CACNA1C: variants seen among roughly 807,000 people sequenced by gnomAD.
CACNA1C encodes the protein calcium voltage-gated channel subunit alpha1 C.
A neutral mutation model predicts 229.0 loss-of-function variants in CACNA1C; 30 were observed. The ratio of observed to expected loss-of-function variants is 0.13; its 90% CI spans 0.10 to 0.18. The LOEUF (loss-of-function observed/expected upper bound fraction) is 0.18, where lower values mean the gene tolerates loss of function less well. CACNA1C is among the 10% of genes least tolerant of loss of function. CACNA1C has a pLI of 1.00. For synonymous variants in CACNA1C, 1,114 were observed against 1,132.5 expected, an observed-to-expected ratio of 0.98 and a Z score of 0.33; for missense variants, 1,658 against 2,845.0, an observed-to-expected ratio of 0.58 and a Z score of 9.49.
chr12:2,347,964 T>G (rs2097094961), intron 3 of CACNA1C, among the ~76,000 whole-genome samples: 1 of 152,234 alleles, frequency 6.6e-6, no homozygotes, highest in African/African-American at 2.4e-5. Context: ...GATTATGCCC[T>G]GGGGCCATTC....
In CACNA1C at chr12:2,242,351, C is replaced by T. The variant is rs571341249; in HGVS notation, c.477+121921C>T. ...AAGGATAATGAAAACTAGCTACTGA[C>T]ACTTGGCCTCCGTGCTGGAGGAACA... On this transcript the variant is annotated intron_variant, in intron 3 of 46. Coordinates refer to ENST00000399655, the MANE Select transcript of CACNA1C (RefSeq NM_000719.7). Among the ~76,000 whole-genome samples, 18 of 152,286 alleles carry T rather than the reference C, an allele frequency of 1.2e-4. 1 individual carries two copies. In the East Asian group the frequency reaches 3.3e-3, roughly 28 times the overall value.
At chr12:1,975,686 T>C (rs935828565) in intron 1 of CACNA1C, among the ~76,000 whole-genome samples, 3 of 152,190 alleles carry the variant, frequency 2.0e-5, no homozygotes, top group African/African-American at 7.2e-5. Flanking sequence ...CTATGTTTTC[T>C]TGGTCAAGCT....
intron 1 of CACNA1C, among the ~76,000 whole-genome samples, chr12:2,058,728 G>C (rs1318966235): frequency 5.9e-5 from 9 of 152,206 alleles, no homozygotes; most frequent in Admixed American, 5.9e-4. Context: ...AGGATCCCTC[G>C]GGGAAAATGG....
rs938042837 is a variant in CACNA1C, at chr12:2,248,954, G to A, written c.477+128524G>A. Among the ~76,000 whole-genome samples, 42 of 152,276 alleles carry A rather than the reference G, an allele frequency of 2.8e-4. 1 individual carries two copies. Among genetic ancestry groups the A allele is most frequent in the Admixed American group, 4.6e-4 (7 of 15,304 alleles). On this transcript the variant is annotated intron_variant, in intron 3 of 46. Coordinates refer to ENST00000399655, the MANE Select transcript of CACNA1C (RefSeq NM_000719.7). ...TTGCATCTGGGAAGCACCTGGCACCGTGCCTGGCGTAAAATAGGCCCTCAG... is the reference window on the plus strand; with the variant it reads ...TTGCATCTGGGAAGCACCTGGCACCATGCCTGGCGTAAAATAGGCCCTCAG...
chr12:2,393,720 G>A lies in CACNA1C; in HGVS notation c.478-55256G>A, dbSNP rs1276641964. ...TGGTTTAAATCCTTGGCAGGTACTCGTTTTCTTACTAAGAAGGTTATAAGA... is the reference window on the plus strand; with the variant it reads ...TGGTTTAAATCCTTGGCAGGTACTCATTTTCTTACTAAGAAGGTTATAAGA... On this transcript the variant is annotated intron_variant, in intron 3 of 46. Transcript: ENST00000399655. 7.2e-5 allele frequency among the ~76,000 whole-genome samples: 11 copies of A among 152,176 alleles called. 1 individual carries two copies. The highest frequency in any genetic ancestry group is 2.4e-5 in the African/African-American group (1 of 41,440).
At chr12:2,024,523 G>A (rs1448920361) in intron 1 of CACNA1C, among the ~76,000 whole-genome samples, 1 of 152,140 alleles carries the variant, frequency 6.6e-6, no homozygotes, top group African/African-American at 2.4e-5. Context: ...TTCCCACTGT[G>A]TTCACAGTCC....
intron 1 of CACNA1C, among the ~76,000 whole-genome samples, chr12:2,076,328 C>G (rs1454271358): frequency 4.6e-5 from 7 of 152,198 alleles, no homozygotes; most frequent in African/African-American, 1.7e-4. Flanking sequence ...GTTTTCACTT[C>G]TGGATATTAC....
chr12:2,601,339 G>T lies in CACNA1C; in HGVS notation c.2854-515G>T, dbSNP rs900680123. 1.3e-5 allele frequency among the ~76,000 whole-genome samples: 2 copies of T among 152,202 alleles called. No individual in the cohort carries two copies. The highest frequency in any genetic ancestry group is 2.4e-5 in the African/African-American group (1 of 41,460). On this transcript the variant is annotated intron_variant, in intron 21 of 46. Transcript: ENST00000399655. This position sits in a 1 kb window ranked among gnomAD's most constrained non-coding sequence, Gnocchi z 5.9. ...GGGATGCAGGATTTCTGATGATAAA[G>T]CAAATCTGGGCAAACCAGGATGGCT...
chr12:2,222,353 C>G (rs1196733884), intron 3 of CACNA1C: 1 of 152,068 alleles, frequency 6.6e-6, no homozygotes, highest in Non-Finnish European at 1.5e-5. Flanking sequence ...GGAGTCCCAG[C>G]TCAGCCATTC....
chr12:2,114,265 G>A (rs1239114822), intron 1 of CACNA1C, among the ~76,000 whole-genome samples: 3 of 152,214 alleles, frequency 2.0e-5, no homozygotes, highest in African/African-American at 7.2e-5. Context: ...TCTCTGTTGA[G>A]GCTAGTCTGG....
intron 1 of CACNA1C, among the ~76,000 whole-genome samples, chr12:2,063,116 A>G (rs1189835716): frequency 6.7e-6 from 1 of 149,980 alleles, no homozygotes; most frequent in African/African-American, 2.5e-5. Context: ...TTTTGTCTCT[A>G]TGGATTTTCA....
intron 21 of CACNA1C, among the ~76,000 whole-genome samples, chr12:2,599,083 T>C (rs2070408007): frequency 6.6e-6 from 1 of 152,198 alleles, no homozygotes; most frequent in Non-Finnish European, 1.5e-5. Context: ...CAATTCTCAG[T>C]GCCCTTCTAC....
intron 3 of CACNA1C, among the ~76,000 whole-genome samples, chr12:2,233,742 C>G (rs897704882): frequency 1.3e-5 from 2 of 152,308 alleles, no homozygotes; most frequent in Admixed American, 1.3e-4. Flanking sequence ...GTCTTAGCTG[C>G]TCCCTCTAAC....
intron 3 of CACNA1C, among the ~76,000 whole-genome samples, chr12:2,322,631 T>G (rs1424425683): frequency 6.6e-6 from 1 of 152,184 alleles, no homozygotes. Flanking sequence ...CAAAGTCAGG[T>G]GTTCCTCCCC....
Position 2,152,077 on chromosome 12 carries a change from G to T in CACNA1C, c.477+31647G>T, listed in dbSNP as rs2095306897. Among the ~76,000 whole-genome samples, 1 of 152,190 alleles carries T rather than the reference G, an allele frequency of 6.6e-6. No homozygotes were observed. The highest frequency in any genetic ancestry group is 2.4e-5 in the African/African-American group (1 of 41,444). On this transcript the variant is annotated intron_variant, in intron 3 of 46. Transcript: ENST00000399655. This position sits in a 1 kb window ranked among gnomAD's most constrained non-coding sequence, Gnocchi z 4.2. Reference sequence around the variant, plus strand: ...AGTCTCATTGCTATTTGTGGTAATGGTCATTTAGTTTCAGGAAAACATCGA... The same window carrying T: ...AGTCTCATTGCTATTTGTGGTAATGTTCATTTAGTTTCAGGAAAACATCGA...
rs113952596 is a variant in CACNA1C at position 2,124,876 on chromosome 12, G to A, written c.477+4446G>A. On this transcript the variant is annotated intron_variant, in intron 3 of 46. Coordinates refer to ENST00000399655, the MANE Select transcript of CACNA1C (RefSeq NM_000719.7). ...TGTCAAGTGGAGGAGCCCGTGGAGC[G>A]TGAGGCTGGGGATGTCCTACCGGCG... is the stretch of plus-strand genomic sequence containing the variant. Among the ~76,000 whole-genome samples, 539 of 152,266 alleles carry A rather than the reference G, an allele frequency of 3.5e-3. 1 individual carries two copies. The highest frequency in any genetic ancestry group is 5.7e-3 in the Non-Finnish European group (386 of 68,004).
chr12:2,255,659 C>T (rs2077193445), intron 3 of CACNA1C, among the ~76,000 whole-genome samples: 1 of 152,202 alleles, frequency 6.6e-6, no homozygotes, highest in Non-Finnish European at 1.5e-5. Flanking sequence ...TGGTTCATTT[C>T]CTTTCTGGAA....
chr12:2,171,029 G>A (rs529616401), intron 3 of CACNA1C, among the ~76,000 whole-genome samples: 1 of 152,342 alleles, frequency 6.6e-6, no homozygotes, highest in South Asian at 2.1e-4. Context: ...CAGAGCCTGT[G>A]GTTCCTTTAC....
intron 3 of CACNA1C, among the ~76,000 whole-genome samples, chr12:2,179,659 T>C (rs2096772762): frequency 1.3e-5 from 2 of 152,198 alleles, no homozygotes; most frequent in Admixed American, 1.3e-4. Context: ...GAAAGAAGGA[T>C]GTCCAGAGGA....
Sources: gnomAD v4.1 joint callset for allele counts (sites outside exome capture counted in the v4.1 genomes callset) on GRCh38, gnomAD v4.1.1 for gene constraint, Gnocchi (gnomAD v3.1) non-coding constraint, MANE v1.5 for transcripts, NCBI Gene and HGNC (gene_info 2026-07-23, HGNC 2026-07-21) for gene names.